TACR3: variants seen among roughly 807,000 people sequenced by gnomAD.
TACR3 encodes the protein neuromedin-K receptor.
Under a neutral mutation model 35.0 loss-of-function variants are expected in TACR3, and 34 were observed. That is an observed-to-expected ratio of 0.97 (90% CI 0.74 to 1.30). TACR3 has a LOEUF of 1.30. Ranked by LOEUF, TACR3 falls within the 50% of genes most tolerant of loss-of-function variation. The pLI is 0.00. For missense variants in TACR3, 558 were observed against 591.7 expected (o/e 0.94, Z 0.59); for synonymous variants, 233 against 221.1 (o/e 1.05, Z -0.48).
intron 1 of TACR3, among the ~76,000 whole-genome samples, chr4:103,679,638 T>C (rs2110208058): frequency 6.6e-6 from 1 of 152,120 alleles, no homozygotes; most frequent in South Asian, 2.1e-4. Context: ...ATCCTTTTAA[T>C]TGAGCTCTAC....
intron 3 of TACR3, among the ~76,000 whole-genome samples, chr4:103,598,680 A>G (rs2110288292): frequency 6.6e-6 from 1 of 152,332 alleles, no homozygotes; most frequent in Middle Eastern, 3.4e-3. Context: ...ATGGCTAGCC[A>G]GTTTTCCCAG....
intron 1 of TACR3, among the ~76,000 whole-genome samples, chr4:103,704,029 G>A (rs749892058): frequency 3.5e-5 from 5 of 143,446 alleles, no homozygotes; most frequent in Admixed American, 7.2e-5. Context: ...GAGTGAACCC[G>A]GCAGGCGGAG....
intron 3 of TACR3, among the ~76,000 whole-genome samples, chr4:103,627,179 C>G (rs1435194674): frequency 1.9e-5 from 1 of 53,106 alleles, no homozygotes; most frequent in Non-Finnish European, 3.0e-5. Flanking sequence ...GAGACTCCGT[C>G]TCAAAAAAAA....
At chr4:103,616,671 G>C (rs1189471662) in intron 3 of TACR3, among the ~76,000 whole-genome samples, 1 of 152,156 alleles carries the variant, frequency 6.6e-6, no homozygotes, top group Non-Finnish European at 1.5e-5. Context: ...TCTCAGCCAG[G>C]CGCAGTGGCT....
chr4:103,622,211 T>A (rs1724798489), intron 3 of TACR3, among the ~76,000 whole-genome samples: 1 of 152,178 alleles, frequency 6.6e-6, no homozygotes, highest in African/African-American at 2.4e-5. Context: ...TTCAGTGGAA[T>A]GGTGTGTTGG....
At chr4:103,622,000 G>A (rs1354071455) in intron 3 of TACR3, among the ~76,000 whole-genome samples, 2 of 152,124 alleles carry the variant, frequency 1.3e-5, no homozygotes, top group East Asian at 3.9e-4. Context: ...GCATTTAAGT[G>A]GTTGTTAGAA....
At chr4:103,712,347 A>G (rs969215844) in intron 1 of TACR3, among the ~76,000 whole-genome samples, 15 of 152,322 alleles carry the variant, frequency 9.8e-5, no homozygotes, top group Middle Eastern at 3.4e-3. Context: ...GATCTTTGAC[A>G]AACCTGACAA....
At chr4:103,679,470 G>A (rs1726241970) in intron 1 of TACR3, among the ~76,000 whole-genome samples, 1 of 152,106 alleles carries the variant, frequency 6.6e-6, no homozygotes, top group South Asian at 2.1e-4. Flanking sequence ...TGAAGTAGTA[G>A]TAGTACTTTT....
At chr4:103,710,250 G>A (rs183131978) in intron 1 of TACR3, among the ~76,000 whole-genome samples, 325 of 152,218 alleles carry the variant, frequency 2.1e-3, no homozygotes, top group Middle Eastern at 0.014. Flanking sequence ...TGACCACACC[G>A]TTGGAAGTAA....
chr4:103,630,177 C>T (rs557366931), intron 3 of TACR3, among the ~76,000 whole-genome samples: 2 of 152,244 alleles, frequency 1.3e-5, no homozygotes, highest in South Asian at 2.1e-4. Context: ...ACACCTTATA[C>T]AAAAATTAAT....
At chr4:103,597,488 G>T (rs911639433) in intron 3 of TACR3, among the ~76,000 whole-genome samples, 3 of 151,846 alleles carry the variant, frequency 2.0e-5, no homozygotes, top group Admixed American at 6.6e-5. Context: ...AAGTTTTAGG[G>T]TACAAGTGCA....
intron 3 of TACR3, among the ~76,000 whole-genome samples, chr4:103,603,242 G>C (rs187026803): frequency 3.3e-5 from 5 of 152,328 alleles, no homozygotes; most frequent in African/African-American, 1.2e-4. Flanking sequence ...AAGCCCATTG[G>C]AAAAGCGAAA....
Position 103,623,459 on chromosome 4 carries a change from G to A in TACR3, c.889-31776C>T, listed in dbSNP as rs555529395. On this transcript the variant is annotated intron_variant, in intron 3 of 4. Transcript: ENST00000304883. The stretch of plus-strand genomic sequence containing the variant: ...TTTATGGCAAAATTTATTTTGGCTT[G>A]TAATCATAGACTATAACAGCCATGT... Among the ~76,000 whole-genome samples, 3 of 152,076 alleles carry A rather than the reference G, an allele frequency of 2.0e-5. No homozygotes were observed. The East Asian group carries it at 5.8e-4, about 29-fold the overall frequency.
chr4:103,694,656 C>G (rs891938209), intron 1 of TACR3, among the ~76,000 whole-genome samples: 25 of 152,068 alleles, frequency 1.6e-4, no homozygotes, highest in Non-Finnish European at 8.8e-5. Flanking sequence ...AGCAGACAAC[C>G]TTGCTTTTGA....
At chr4:103,600,561 ATTTTAGATC>A (rs925760412) in intron 3 of TACR3, among the ~76,000 whole-genome samples, 6 of 152,096 alleles carry the variant, frequency 3.9e-5, no homozygotes, top group Non-Finnish European at 7.4e-5. Context: ...TAGGGTGTCA[ATTTTAGATC>A]TTTCTTGCTT....
At chr4:103,603,387 C>T (rs898068952) in intron 3 of TACR3, among the ~76,000 whole-genome samples, 17 of 152,200 alleles carry the variant, frequency 1.1e-4, no homozygotes, top group African/African-American at 3.4e-4. Context: ...GTGCACGGTG[C>T]GCTGCACCCA....
chr4:103,686,419 A>C (rs755799274), intron 1 of TACR3, among the ~76,000 whole-genome samples: 13 of 152,178 alleles, frequency 8.5e-5, no homozygotes, highest in Non-Finnish European at 1.8e-4. Flanking sequence ...CAGTCTTAAA[A>C]ATAAACACAA....
chr4:103,672,591 A>G (rs1420249181), intron 1 of TACR3, among the ~76,000 whole-genome samples: 1 of 152,196 alleles, frequency 6.6e-6, no homozygotes, highest in African/African-American at 2.4e-5. Context: ...CCATGAACAA[A>G]TGTGTCATCA....
chr4:103,685,562 A>G (rs529720186), intron 1 of TACR3, among the ~76,000 whole-genome samples: 1 of 152,258 alleles, frequency 6.6e-6, no homozygotes, highest in African/African-American at 2.4e-5. Context: ...TTGTGAAAAG[A>G]GTAGAAAAAT....
Sources: gnomAD v4.1 joint callset for allele counts (sites outside exome capture counted in the v4.1 genomes callset) on GRCh38, gnomAD v4.1.1 for gene constraint, MANE v1.5 for transcripts, NCBI Gene and HGNC (gene_info 2026-07-23, HGNC 2026-07-21) for gene names.